CDK12: variants seen among roughly 807,000 people sequenced by gnomAD.
CDK12 encodes cyclin-dependent kinase 12.
In CDK12, 17 loss-of-function variants were observed where a neutral mutation model predicts 133.8. The ratio of observed to expected loss-of-function variants is 0.13; its 90% confidence interval spans 0.09 to 0.19. CDK12 has a LOEUF of 0.19. Among genes scored for constraint, CDK12 ranks in the 10% least tolerant of loss-of-function variants. CDK12 has a pLI of 1.00. For missense variants in CDK12, 1,508 were observed against 1,818.7 expected (o/e 0.83, Z 3.11); for synonymous variants, 694 against 683.6 (o/e 1.02, Z -0.24).
chr17:39,481,157 G>A (rs2050611325), intron 2 of CDK12, among the ~76,000 whole-genome samples: 1 of 151,634 alleles, frequency 6.6e-6, no homozygotes, highest in African/African-American at 2.4e-5. Context: ...GGAGGCTGAG[G>A]CAGGAGAATC....
chr17:39,487,566 A>G (rs1011651389), intron 2 of CDK12, among the ~76,000 whole-genome samples: 5 of 148,364 alleles, frequency 3.4e-5, no homozygotes, highest in South Asian at 2.1e-4. Flanking sequence ...AGTCTGTTGT[A>G]CTATAGATGT....
At chr17:39,552,637 G>A (rs910703197) in intron 2 of CDK12, among the ~76,000 whole-genome samples, 1 of 152,156 alleles carries the variant, frequency 6.6e-6, no homozygotes, top group Admixed American at 6.5e-5. Flanking sequence ...GGCCCTAAAA[G>A]CATTCAGTCT....
intron 11 of CDK12, among the ~76,000 whole-genome samples, chr17:39,524,091 C>G (rs2054345368): frequency 2.0e-5 from 3 of 152,154 alleles, no homozygotes; most frequent in African/African-American, 7.2e-5. Context: ...ATGAGAGATT[C>G]TGGACTAAGT....
At chr17:39,563,409 T>C (rs1018451386) in intron 3 of CDK12, among the ~76,000 whole-genome samples, 17 of 147,086 alleles carry the variant, frequency 1.2e-4, no homozygotes, top group Non-Finnish European at 2.4e-4. Context: ...CTCTCTCTCT[T>C]TTTACTTGTT....
chr17:39,518,007 T>G (rs1567769325), intron 10 of CDK12, among the ~76,000 whole-genome samples: 1 of 147,776 alleles, frequency 6.8e-6, no homozygotes, highest in Non-Finnish European at 1.5e-5. Flanking sequence ...AGACAGAGTC[T>G]CACTTTGCCA....
At chr17:39,466,613 C>A (rs1338208282) in intron 1 of CDK12, among the ~76,000 whole-genome samples, 2 of 39,160 alleles carry the variant, frequency 5.1e-5, no homozygotes, top group East Asian at 8.9e-4. Flanking sequence ...GAAACTCTAT[C>A]TGAAAAAAAA....
intron 2 of CDK12, among the ~76,000 whole-genome samples, chr17:39,480,281 C>CT (rs1567702658): frequency 1.4e-5 from 2 of 145,342 alleles, no homozygotes; most frequent in Admixed American, 1.4e-4. Flanking sequence ...TTTTTTTTTC[C>CT]GAGACAGAGT....
At chr17:39,509,683 A>G in intron 6 of CDK12, 22 bp from the exon 7 acceptor site, 1 of 1,599,876 alleles carries the variant, frequency 6.3e-7, no homozygotes, top group Non-Finnish European at 8.6e-7. Context: ...GCTTATGAAA[A>G]TAATTGTTTT....
At position 39,534,120 on chromosome 17, in the gene CDK12, G is replaced by A. The variant is rs1043775963; in HGVS notation, c.*2804G>A. On this transcript the variant is annotated 3_prime_UTR_variant, in exon 14 of 14. Coordinates refer to ENST00000447079, the MANE Select transcript of CDK12 (RefSeq NM_016507.4). ...TTTGAAAACAAATATACTTGACCCA[G>A]TTTCCTTAGTTTTTTCTTCAACTGT... 1 of 232,582 alleles carries A rather than the reference G, an allele frequency of 4.3e-6. No homozygotes were observed. The highest frequency in any genetic ancestry group is 8.5e-6 in the Non-Finnish European group (1 of 117,696). The allele number at this position is 232,582 out of a possible 1,614,324, so 14.4% of individuals were successfully genotyped here.
At chr17:39,473,308 A>G (rs1234459282) in intron 2 of CDK12, among the ~76,000 whole-genome samples, 1 of 152,204 alleles carries the variant, frequency 6.6e-6, no homozygotes, top group African/African-American at 2.4e-5. Flanking sequence ...TAAAAGAATA[A>G]TATGTAAAGT....
At chr17:39,537,293 A>G (rs1459838026), downstream of CDK12, among the ~76,000 whole-genome samples, 1 of 152,166 alleles carries the variant, frequency 6.6e-6, no homozygotes, top group African/African-American at 2.4e-5. Context: ...TGCAATTTTG[A>G]ATGCATTTGG....
rs947837402 is a variant in CDK12 at position 39,471,245 on chromosome 17, G to C, written c.1413G>C (p.Glu471Asp). 6.2e-7 allele frequency: 1 copy of C among 1,609,214 alleles called. No homozygotes were observed. The highest frequency in any genetic ancestry group is 1.3e-5 in the African/African-American group (1 of 74,490). The change falls in exon 2 of 14, where the codon GAG (glutamate) becomes GAC (aspartate). Residue 471 changes from glutamate to aspartate, a missense_variant. Physicochemically the swap from Glu to Asp is conservative, Grantham distance 45. Around this residue, in one of 9 missense-constraint regions of CDK12, gnomAD observed 347 missense variants for 330.8 expected, o/e 1.05. Transcript: ENST00000447079. ...ELVNVTHLNT[E>D]VKNSSDTGKV... ...TGAATGTAACACATCTAAACACAGA[G>C]GTAAAAAATTCTTCAGATACAGGGA...
intron 3 of CDK12, among the ~76,000 whole-genome samples, chr17:39,564,385 T>TC (rs946642707): frequency 1.3e-5 from 2 of 152,112 alleles, no homozygotes; most frequent in Non-Finnish European, 2.9e-5. Context: ...CCAGGTTCCC[T>TC]CCTCCTGGCA....
chr17:39,528,807 C>T (rs2054644553), intron 13 of CDK12, among the ~76,000 whole-genome samples: 1 of 152,224 alleles, frequency 6.6e-6, no homozygotes, highest in African/African-American at 2.4e-5. Flanking sequence ...TACAGTTACA[C>T]ATTTTTAAGT....
rs879840168 is a variant in CDK12 at position 39,476,711 on chromosome 17, CTTTTTTTTT to C, written c.1931+4969_1931+4977del. 3.4e-4 allele frequency among the ~76,000 whole-genome samples: 29 copies of C among 84,530 alleles called. 4 individuals are homozygous for C. Among genetic ancestry groups the C allele is most frequent in the Admixed American group, 2.1e-3 (13 of 6,120 alleles). 55.5% of individuals were successfully genotyped at this position (84,530 alleles called of 152,430 possible). ...TACAGGCATGAGCCACCATGCCTGC[CTTTTTTTTT>C]TTTTTTTTTTTTTTTTTTTTGAGAC... On this transcript the variant is annotated intron_variant, in intron 2 of 13. Coordinates refer to ENST00000447079, the MANE Select transcript of CDK12 (RefSeq NM_016507.4).
chr17:39,524,550 T>A, intron 11 of CDK12, 124 bp from the exon 12 acceptor site: 1 of 813,724 alleles, frequency 1.2e-6, no homozygotes, highest in Non-Finnish European at 1.9e-6. Context: ...TTTTTGGTTA[T>A]TTTTGTTTTC....
intron 2 of CDK12, among the ~76,000 whole-genome samples, chr17:39,481,133 A>T (rs1450906196): frequency 2.0e-5 from 3 of 151,844 alleles, no homozygotes; most frequent in African/African-American, 7.3e-5. Flanking sequence ...CATGCCTGTA[A>T]TCCCAGCTGC....
At chr17:39,495,204 A>G (rs922898951) in intron 5 of CDK12, among the ~76,000 whole-genome samples, 2 of 151,860 alleles carry the variant, frequency 1.3e-5, no homozygotes, top group Admixed American at 6.6e-5. Flanking sequence ...TCAGCCCCCA[A>G]GTAGCTGGGA....
At chr17:39,472,018 C>A (rs2049832832) in intron 2 of CDK12, among the ~76,000 whole-genome samples, 1 of 152,092 alleles carries the variant, frequency 6.6e-6, no homozygotes, top group African/African-American at 2.4e-5. Flanking sequence ...TGGTCTTGCT[C>A]TGTCGCCCAG....
Sources: allele counts gnomAD v4.1 joint callset (sites outside exome capture counted in the v4.1 genomes callset), GRCh38; gene constraint gnomAD v4.1.1; regional missense constraint gnomAD v4.1.1; transcripts MANE v1.5; gene names NCBI Gene and HGNC (gene_info 2026-07-23, HGNC 2026-07-21).